Variants in ITGA7 observed in about 807,000 individuals in gnomAD.
The protein encoded by ITGA7 is integrin subunit alpha 7.
Under a neutral mutation model 131.6 loss-of-function variants are expected in ITGA7, and 84 were observed. That is an observed-to-expected ratio of 0.64 (90% CI 0.54 to 0.77). The LOEUF (loss-of-function observed/expected upper bound fraction) is 0.77. Among genes scored for constraint, ITGA7 ranks in the 30% least tolerant of loss-of-function variants. The pLI is 0.00. For missense variants in ITGA7, 1,399 were observed against 1,482.9 expected (o/e 0.94, Z 0.93); for synonymous variants, 548 against 600.7 (o/e 0.91, Z 1.28).
In ITGA7 at chr12:55,687,075, A is replaced by T. The variant is rs540763472; in HGVS notation, c.3183+896T>A. Among the ~76,000 whole-genome samples the T allele has an allele frequency of 3.4e-5, 5 of 148,908 alleles. No individual in the cohort carries two copies. The South Asian group carries it at 1.1e-3, about 32-fold the overall frequency. On this transcript the variant is annotated intron_variant, in intron 24 of 24. Transcript: ENST00000257879. Reference sequence around the variant, plus strand: ...TCTAAACTCCCACTCCATTTTCTCAACTCAACACTTCCTGCCTTGTCCTTG... The same window carrying T: ...TCTAAACTCCCACTCCATTTTCTCATCTCAACACTTCCTGCCTTGTCCTTG...
chr12:55,716,379 G>A, upstream of ITGA7: 1 of 1,428,802 alleles, frequency 7.0e-7, no homozygotes, highest in Non-Finnish European at 9.1e-7. Context: ...AACTGGCTCC[G>A]GTCCCTTGGG....
At chr12:55,714,086 T>C (rs1876321550), upstream of ITGA7, among the ~76,000 whole-genome samples, 1 of 152,232 alleles carries the variant, frequency 6.6e-6, no homozygotes, top group African/African-American at 2.4e-5. Flanking sequence ...TTTTAAAATA[T>C]ACTGATAAGG....
Position 55,688,893 on chromosome 12 carries a change from G to T in ITGA7, c.2909C>A (p.Ala970Glu), listed in dbSNP as rs201354330. ...FSCPLYSFDR[A>E]AVLHVWGRLW... is the part of the protein sequence containing the mutation. Reference sequence around the variant, plus strand: ...ACGGCCCCAGACATGCAGCACAGCCGCGCGGTCAAAGCTGTAGAGTGGGCA... The same window carrying T: ...ACGGCCCCAGACATGCAGCACAGCCTCGCGGTCAAAGCTGTAGAGTGGGCA... Residue 970 changes from alanine (A) to glutamate (E), a missense_variant, in exon 22 of 25, where the codon GCG (alanine) becomes GAG (glutamate). Physicochemically the swap from Ala to Glu is moderately radical, Grantham distance 107. Coordinates refer to ENST00000257879, the MANE Select transcript of ITGA7 (RefSeq NM_002206.3). 1.2e-6 allele frequency: 2 copies of T among 1,613,984 alleles called. No homozygotes were observed. The highest frequency in any genetic ancestry group is 3.3e-5 in the Admixed American group (2 of 60,000).
At chr12:55,711,665 T>C, upstream of ITGA7, among the ~76,000 whole-genome samples, 1 of 152,096 alleles carries the variant, frequency 6.6e-6, no homozygotes, top group East Asian at 1.9e-4. Flanking sequence ...GTGGCTAGTA[T>C]GACTGAGAAA....
At chr12:55,715,274 A>G (rs1490254671), upstream of ITGA7, among the ~76,000 whole-genome samples, 2 of 152,196 alleles carry the variant, frequency 1.3e-5, no homozygotes, top group African/African-American at 2.4e-5. Context: ...AGTTTTACTA[A>G]AGAGAAAACT....
At chr12:55,714,240 C>T (rs1422447565), upstream of ITGA7, among the ~76,000 whole-genome samples, 3 of 151,948 alleles carry the variant, frequency 2.0e-5, no homozygotes, top group Non-Finnish European at 4.4e-5. Context: ...AGGCCGGGCG[C>T]GGTGGCTCAC....
chr12:55,703,667 C>T (rs2136077232), intron 1 of ITGA7, among the ~76,000 whole-genome samples: 1 of 152,162 alleles, frequency 6.6e-6, no homozygotes, highest in African/African-American at 2.4e-5. Flanking sequence ...GCTCAGGGAC[C>T]AGCTTCAGAG....
chr12:55,695,070 C>T, intron 14 of ITGA7, 100 bp from the exon 15 acceptor site: 1 of 1,210,606 alleles, frequency 8.3e-7, no homozygotes, highest in Non-Finnish European at 1.2e-6. Flanking sequence ...CTCCCTGAGC[C>T]TCTCTTCCCA....
rs896875494 is a variant in ITGA7 at position 55,692,447 on chromosome 12, T to C, written c.2844+397A>G. Among the ~76,000 whole-genome samples, 38 of 152,214 alleles carry C rather than the reference T, an allele frequency of 2.5e-4. 2 individuals carry two copies. Among genetic ancestry groups the C allele is most frequent in the Non-Finnish European group, 1.5e-5 (1 of 68,040 alleles). Reference sequence around the variant, plus strand: ...ACAAAAAAGAACTTAACATTTTTAATACTGTAAAAATCAAGCAAGTGTCCT... The same window carrying C: ...ACAAAAAAGAACTTAACATTTTTAACACTGTAAAAATCAAGCAAGTGTCCT... On this transcript the variant is annotated intron_variant, in intron 21 of 24. Coordinates refer to ENST00000257879, the MANE Select transcript of ITGA7 (RefSeq NM_002206.3).
chr12:55,693,362 T>A, intron 19 of ITGA7, 45 bp from the exon 20 acceptor site: 2 of 939,776 alleles, frequency 2.1e-6, no homozygotes, highest in Non-Finnish European at 2.9e-6. Context: ...CAGTTTTTCT[T>A]TTTTTTTTTT....
At chr12:55,701,201 C>A (rs759019644) in intron 3 of ITGA7, 47 bp from the exon 4 acceptor site, 3 of 1,613,828 alleles carry the variant, frequency 1.9e-6, no homozygotes, top group Non-Finnish European at 2.5e-6. Flanking sequence ...GGGCCAGGGA[C>A]CTGCTTGAGG....
rs1005768825 is a variant in ITGA7 at position 55,694,149 on chromosome 12, G to A, written c.2433-26C>T. 6.2e-7 allele frequency: 1 copy of A among 1,612,058 alleles called. No homozygotes were observed. ...CTGGCGTGGAGAGGTCAGAACAGGG[G>A]TGAGAAGGTCTGGGGCCTGGCTCAA... is the stretch of plus-strand genomic sequence containing the variant. On this transcript the variant is annotated intron_variant, in intron 18 of 24. Transcript: ENST00000257879. The surrounding 1 kb of genome is among the most constrained non-coding windows in gnomAD (Gnocchi z 5.3).
intron 4 of ITGA7, chr12:55,700,355 C>A (rs369000685): frequency 6.2e-7 from 1 of 1,610,576 alleles, no homozygotes. Flanking sequence ...TGTGCCAGGT[C>A]CGCTGAGCCC....
At chr12:55,715,945 A>G, upstream of ITGA7, 2 of 1,352,862 alleles carry the variant, frequency 1.5e-6, no homozygotes, top group Non-Finnish European at 1.9e-6. Context: ...AATAAAGAAC[A>G]CTTCACCTGC....
At chr12:55,705,331 C>T (rs1199076288) in intron 1 of ITGA7, among the ~76,000 whole-genome samples, 4 of 149,870 alleles carry the variant, frequency 2.7e-5, no homozygotes, top group African/African-American at 7.4e-5. Flanking sequence ...CCACCCCAGT[C>T]TTCTGGACAG....
At position 55,693,324 on chromosome 12, in the gene ITGA7, GA is replaced by G; in HGVS notation, c.2536-8del. The G allele has an allele frequency of 6.2e-7, 1 of 1,611,360 alleles. No homozygotes were observed. The highest frequency in any genetic ancestry group is 2.2e-5 in the East Asian group (1 of 44,856). ...ACTGGCCTTGGTTGGAAACCTGTGG[GA>G]AAAAGAGAGTATGAGGGGAGAGACC... On this transcript the variant is annotated splice_polypyrimidine_tract_variant and splice_region_variant and intron_variant, in intron 19 of 24. Coordinates refer to ENST00000257879, the MANE Select transcript of ITGA7 (RefSeq NM_002206.3).
chr12:55,698,379 A>T lies in ITGA7; in HGVS notation c.1192+4T>A. The T allele has an allele frequency of 6.2e-7, 1 of 1,609,168 alleles. No individual in the cohort carries two copies. Among genetic ancestry groups the T allele is most frequent in the Non-Finnish European group, 8.5e-7 (1 of 1,177,852 alleles). ...CCCTGAGCCTTTCCAGTTCCCCGTC[A>T]CACCTGGAAAGCCATCTTGGTTGAG... On this transcript the variant is annotated splice_donor_region_variant and intron_variant, in intron 7 of 24. Coordinates refer to ENST00000257879, the MANE Select transcript of ITGA7 (RefSeq NM_002206.3).
rs553210904 is a variant in ITGA7, at chr12:55,698,636, G to T, written c.999-60C>A. On this transcript the variant is annotated intron_variant, in intron 6 of 24. Transcript: ENST00000257879. ...CCCTGGCCAGAGGAGCCAGCAGGAG[G>T]CTAAGTGGCCTCAGCCAGACTGGGG... The T allele has an allele frequency of 8.7e-6, 14 of 1,612,490 alleles. No individual in the cohort carries two copies. In the East Asian group the frequency reaches 1.8e-4, roughly 21 times the overall value.
In ITGA7 at chr12:55,699,893, T is replaced by C; in HGVS notation, c.767A>G (p.Asp256Gly). Residue 256 changes from aspartate (D) to glycine (G), a missense_variant, in exon 5 of 25, where the codon GAC becomes GGC. By Grantham distance (94) the Asp-to-Gly change is moderately conservative. Coordinates refer to ENST00000257879, the MANE Select transcript of ITGA7 (RefSeq NM_002206.3). Reference protein sequence around the residue: ...PADRLPGPAGDLALNSYLGFS... With the variant: ...PADRLPGPAGGLALNSYLGFS... The stretch of plus-strand genomic sequence containing the variant: ...ACCTAAGTAGCTATTGAGGGCCAAG[T>C]CTCCGGCTGGTCCTGGGAGCCGGTC... 5 of 1,611,302 alleles carry C rather than the reference T, an allele frequency of 3.1e-6. No homozygotes were observed. Among genetic ancestry groups the C allele is most frequent in the Non-Finnish European group, 4.2e-6 (5 of 1,179,026 alleles).
Sources: gnomAD v4.1 joint callset for allele counts (sites outside exome capture counted in the v4.1 genomes callset) on GRCh38, gnomAD v4.1.1 for gene constraint, Gnocchi (gnomAD v3.1) non-coding constraint, MANE v1.5 for transcripts, NCBI Gene and HGNC (gene_info 2026-07-23, HGNC 2026-07-21) for gene names.